Variants in ATAT1 observed in about 807,000 individuals in gnomAD.
The protein encoded by ATAT1 is alpha-tubulin N-acetyltransferase 1.
In ATAT1, 42 loss-of-function variants were observed where a neutral mutation model predicts 57.2. The ratio of observed to expected loss-of-function variants is 0.73; its 90% CI spans 0.57 to 0.95. The LOEUF (loss-of-function observed/expected upper bound fraction) is 0.95, where lower values mean the gene tolerates loss of function less well. Among genes scored for constraint, ATAT1 ranks in the 40% least tolerant of loss-of-function variants. The probability of loss-of-function intolerance (pLI) is 0.00; values close to 1 mark genes in which losing one functional copy is unlikely to be tolerated. For missense variants in ATAT1, 454 were observed against 523.7 expected, an observed-to-expected ratio of 0.87 and a Z score of 1.30; for synonymous variants, 168 against 187.1, an observed-to-expected ratio of 0.90 and a Z score of 0.83.
Position 30,628,988 on chromosome 6 carries a change from C to T in ATAT1, c.501+558C>T, listed in dbSNP as rs180683460. ...AGGATCTTGGCTCACTGCAGCCCAA[C>T]CTTCTGGGCTCAAGCGATACTCCTC... On this transcript the variant is annotated intron_variant, in intron 6 of 12. Transcript: ENST00000330083. Among the ~76,000 whole-genome samples the T allele has an allele frequency of 2.1e-4, 32 of 151,558 alleles. No individual in the cohort carries two copies. In the East Asian group the frequency reaches 5.8e-3, roughly 28 times the overall value.
At chr6:30,638,028 C>T (rs546452207) in intron 6 of ATAT1, among the ~76,000 whole-genome samples, 206 of 152,206 alleles carry the variant, frequency 1.4e-3, no homozygotes, top group African/African-American at 4.5e-3. Context: ...CAGGCGCCCA[C>T]CACTATGGCT....
At chr6:30,641,108 T>C (rs17189218) in intron 8 of ATAT1, among the ~76,000 whole-genome samples, 4,636 of 146,728 alleles carry the variant, frequency 0.032, 153 homozygotes, top group African/African-American at 0.083. Context: ...CCATCCCATA[T>C]ACACACATAC....
chr6:30,628,229 C>T, intron 5 of ATAT1, 84 bp downstream of exon 5: 1 of 1,524,850 alleles, frequency 6.6e-7, no homozygotes, highest in South Asian at 1.1e-5. Flanking sequence ...TCCCACCCCC[C>T]ATGTTCCCAT....
intron 6 of ATAT1, among the ~76,000 whole-genome samples, chr6:30,635,773 T>C (rs1054600956): frequency 1.3e-5 from 2 of 152,086 alleles, no homozygotes; most frequent in African/African-American, 4.8e-5. Flanking sequence ...ATGAGCAGTT[T>C]TGGTGCAGCG....
At chr6:30,629,745 C>T (rs6911174) in intron 6 of ATAT1, among the ~76,000 whole-genome samples, 6,712 of 151,994 alleles carry the variant, frequency 0.044, 272 homozygotes, top group African/African-American at 0.11. Context: ...GGGGTTTCAC[C>T]GTGTTAGCCA....
chr6:30,629,336 G>A (rs576930989), intron 6 of ATAT1, among the ~76,000 whole-genome samples: 27 of 142,880 alleles, frequency 1.9e-4, no homozygotes, highest in African/African-American at 6.6e-4. Context: ...CTCTGCCTCC[G>A]GGGTTCAAGT....
rs1426631440 is a variant in ATAT1 at position 30,628,439 on chromosome 6, T to G, written c.501+9T>G. 6.3e-7 allele frequency: 1 copy of G among 1,591,242 alleles called. No individual in the cohort carries two copies. The highest frequency in any genetic ancestry group is 1.3e-5 in the African/African-American group (1 of 74,452). On this transcript the variant is annotated intron_variant, in intron 6 of 12. Transcript: ENST00000330083. ...AGACCACAGTCCCACAGGTTAGAGG[T>G]TTCAGAGAATAGATCCCCACTGAGC...
intron 9 of ATAT1, 132 bp from the exon 10 acceptor site, chr6:30,642,633 ACTC>A (rs1765703663): frequency 3.0e-6 from 2 of 675,706 alleles, no homozygotes; most frequent in Non-Finnish European, 4.9e-6. Context: ...ACAGAGTGAG[ACTC>A]CGTCTCAAAA....
In ATAT1 at chr6:30,640,494, C is replaced by T. The variant is rs368748874; in HGVS notation, c.548-41C>T. Reference sequence around the variant, plus strand: ...GAAAGAGCTGGACTCTTGGTCCTGCCGACCCCTCACTGAGGGGCCCCGCCG... The same window carrying T: ...GAAAGAGCTGGACTCTTGGTCCTGCTGACCCCTCACTGAGGGGCCCCGCCG... On this transcript the variant is annotated intron_variant, in intron 7 of 12. Coordinates refer to ENST00000330083, the MANE Select transcript of ATAT1 (RefSeq NM_001031722.4). The T allele has an allele frequency of 1.7e-5, 28 of 1,612,110 alleles. No homozygotes were observed. In the African/African-American group the frequency reaches 3.2e-4, roughly 18 times the overall value.
chr6:30,642,832 A>ACACCCCCC lies in ATAT1; in HGVS notation c.753_754insCACCCCCC (p.Ala252HisfsTer70). On this transcript the variant is annotated frameshift_variant, in exon 10 of 13. Coordinates refer to ENST00000330083, the MANE Select transcript of ATAT1 (RefSeq NM_001031722.4). LOFTEE classifies it high-confidence loss of function. ...GGGCCCCTCGCCGCGCCACACCTCC[A>ACACCCCCC]GCCCACCCACCCCCCCGCTCCAGCA... is the stretch of plus-strand genomic sequence containing the variant. 1 of 1,230,750 alleles carries ACACCCCCC rather than the reference A, an allele frequency of 8.1e-7. No individual in the cohort carries two copies. Among genetic ancestry groups the ACACCCCCC allele is most frequent in the Non-Finnish European group, 1.1e-6 (1 of 892,690 alleles). 76.2% of individuals were successfully genotyped at this position (1,230,750 alleles called of 1,614,324 possible).
At chr6:30,628,508 A>G in intron 6 of ATAT1, 78 bp downstream of exon 6, 2 of 1,194,640 alleles carry the variant, frequency 1.7e-6, no homozygotes, top group South Asian at 2.7e-5. Flanking sequence ...AGAAGTAGTG[A>G]CTTATTTCCT....
At chr6:30,645,833 T>A in intron 10 of ATAT1, 62 bp from the exon 11 acceptor site, 1 of 1,261,712 alleles carries the variant, frequency 7.9e-7, no homozygotes, top group Non-Finnish European at 1.1e-6. Context: ...CTCTGATTCC[T>A]CCATACCCAC....
chr6:30,627,427 G>A (rs775068098), intron 1 of ATAT1, 33 bp from the exon 2 acceptor site: 5 of 1,606,902 alleles, frequency 3.1e-6, no homozygotes, highest in Admixed American at 3.3e-5. Context: ...AATTTAGTGA[G>A]TATCTGACTC....
At chr6:30,632,795 G>C (rs1763193763) in intron 6 of ATAT1, among the ~76,000 whole-genome samples, 1 of 152,016 alleles carries the variant, frequency 6.6e-6, no homozygotes, top group African/African-American at 2.4e-5. Flanking sequence ...AAATTAGCCA[G>C]GTGTGGTGGT....
At chr6:30,638,179 C>T (rs1478203336) in intron 6 of ATAT1, among the ~76,000 whole-genome samples, 1 of 151,982 alleles carries the variant, frequency 6.6e-6, no homozygotes, top group Admixed American at 6.6e-5. Flanking sequence ...GCCCGGCCCA[C>T]GCCTGGCTAA....
intron 1 of ATAT1, 63 bp from the exon 2 acceptor site, chr6:30,627,397 C>T (rs1761909428): frequency 6.3e-7 from 1 of 1,599,074 alleles, no homozygotes; most frequent in Non-Finnish European, 8.6e-7. Context: ...GTTCCCAGGA[C>T]TGACTGCCTA....
intron 12 of ATAT1, 143 bp downstream of exon 12, chr6:30,646,252 C>T (rs1295462726): frequency 6.8e-7 from 1 of 1,464,132 alleles, no homozygotes; most frequent in Non-Finnish European, 9.0e-7. Flanking sequence ...ACCTTACATC[C>T]TGCAAGCCCC....
intron 10 of ATAT1, chr6:30,643,671 C>T: frequency 1.3e-6 from 2 of 1,533,542 alleles, no homozygotes; most frequent in African/African-American, 1.4e-5. Flanking sequence ...TGGAACCTGA[C>T]AGAGCCCATA....
Position 30,626,981 on chromosome 6 carries a change from A to C in ATAT1, c.-223A>C, listed in dbSNP as rs1472103451. 1 of 1,598,940 alleles carries C rather than the reference A, an allele frequency of 6.3e-7. No individual in the cohort carries two copies. Among genetic ancestry groups the C allele is most frequent in the South Asian group, 1.1e-5 (1 of 89,086 alleles). ...CCCCAGCCCGCCGACCCGGAACCAC[A>C]ACGCCGGCCCGGTGACAGCTCAAAC... On this transcript the variant is annotated 5_prime_UTR_variant, in exon 1 of 13. Coordinates refer to ENST00000330083, the MANE Select transcript of ATAT1 (RefSeq NM_001031722.4).
Sources: allele counts gnomAD v4.1 joint callset (sites outside exome capture counted in the v4.1 genomes callset), GRCh38; gene constraint gnomAD v4.1.1; transcripts MANE v1.5; gene names NCBI Gene and HGNC (gene_info 2026-07-23, HGNC 2026-07-21).